The following GLUL variants were observed in gnomAD, a reference collection of about 807,000 sequenced individuals.
GLUL encodes the protein glutamine synthetase.
Under a neutral mutation model 36.9 loss-of-function variants are expected in GLUL, and 8 were observed. The observed-to-expected ratio is 0.22, with a 90% CI of 0.13 to 0.39. The LOEUF is 0.39. Ranked by LOEUF, GLUL falls within the 10% of genes least tolerant of loss-of-function variation. The pLI is 1.00. For synonymous variants in GLUL, 182 were observed against 172.8 expected, an observed-to-expected ratio of 1.05 and a Z score of -0.42; for missense variants, 315 against 501.8, an observed-to-expected ratio of 0.63 and a Z score of 3.56.
chr1:182,387,576 T>C (rs1650237838), intron 2 of GLUL, among the ~76,000 whole-genome samples: 2 of 152,226 alleles, frequency 1.3e-5, no homozygotes, highest in Admixed American at 1.3e-4. Flanking sequence ...TGAAGCATTC[T>C]GTTATCACTA....
intron 4 of GLUL, 124 bp from the exon 5 acceptor site, chr1:182,386,011 G>A (rs541400769): frequency 4.1e-5 from 44 of 1,066,616 alleles, no homozygotes; most frequent in Non-Finnish European, 5.3e-5. Flanking sequence ...CTGCAGGTGC[G>A]GGGCAGGGGA....
chr1:182,385,266 T>C, intron 6 of GLUL, 91 bp downstream of exon 6: 2 of 999,204 alleles, frequency 2.0e-6, no homozygotes, highest in Non-Finnish European at 3.2e-6. Context: ...CAAGTCATCC[T>C]GCAAAGGAGA....
At position 182,380,225 on chromosome 1, in the gene GLUL, A is replaced by G. The variant is rs1477597583; in HGVS notation, c.*4180T>C. ...ATTAATTAAGTACACTATTTTCCACAGTACACTCCCACGAAGTTTTTAGTG... is the reference window on the plus strand; with the variant it reads ...ATTAATTAAGTACACTATTTTCCACGGTACACTCCCACGAAGTTTTTAGTG... On this transcript the variant is annotated 3_prime_UTR_variant, in exon 7 of 7. Transcript: ENST00000331872. Among the ~76,000 whole-genome samples the G allele has an allele frequency of 6.6e-6, 1 of 152,236 alleles. No individual in the cohort carries two copies. Among genetic ancestry groups the G allele is most frequent in the African/African-American group, 2.4e-5 (1 of 41,460 alleles).
intron 3 of GLUL, chr1:182,386,855 T>C: frequency 1.9e-6 from 1 of 534,318 alleles, no homozygotes. Flanking sequence ...TGGCCTACAT[T>C]CCAGGCAGGA....
At chr1:182,385,280 T>C in intron 6 of GLUL, 77 bp downstream of exon 6, 1 of 1,099,862 alleles carries the variant, frequency 9.1e-7, no homozygotes, top group Non-Finnish European at 1.4e-6. Context: ...AAGGAGACTT[T>C]GCTGAGAGAT....
rs746641298 is a variant in GLUL at position 182,387,116 on chromosome 1, T to C, written c.328+15A>G. 27 of 1,599,044 alleles carry C rather than the reference T, an allele frequency of 1.7e-5. No homozygotes were observed. Among genetic ancestry groups the C allele is most frequent in the Middle Eastern group, 1.7e-4 (1 of 5,820 alleles). ...CAGATTGAGGAGGGGTATCCATAGC[T>C]GTGCTATAACACACCTGCAGGCCTT... On this transcript the variant is annotated intron_variant, in intron 3 of 6. Transcript: ENST00000331872.
rs2101925234 is a variant in GLUL, at chr1:182,379,868, G to T, written c.*4537C>A. 1.4e-5 allele frequency among the ~76,000 whole-genome samples: 2 copies of T among 145,642 alleles called. No individual in the cohort carries two copies. The highest frequency in any genetic ancestry group is 5.1e-5 in the African/African-American group (2 of 39,144). On this transcript the variant is annotated 3_prime_UTR_variant, in exon 7 of 7. Coordinates refer to ENST00000331872, the MANE Select transcript of GLUL (RefSeq NM_001033044.4). ...CAACTTTTTTTTTTTTTTTGAGATG[G>T]AGTTTCCCTCTTGTTGCCCAGGCTG... is the stretch of plus-strand genomic sequence containing the variant.
In GLUL at chr1:182,380,309, G is replaced by GTTTGT. The variant is rs1277119191; in HGVS notation, c.*4091_*4095dup. Among the ~76,000 whole-genome samples, 1 of 148,194 alleles carries GTTTGT rather than the reference G, an allele frequency of 6.7e-6. No homozygotes were observed. Among genetic ancestry groups the GTTTGT allele is most frequent in the East Asian group, 1.9e-4 (1 of 5,172 alleles). ...TTTTCAATTTGTTTTTTGGGGTTTTGTTTGTTTTGTTTTGTTTAGGCAAGG... is the reference window on the plus strand; with the variant it reads ...TTTTCAATTTGTTTTTTGGGGTTTTGTTTGTTTTGTTTTGTTTTGTTTAGGCAAGG... On this transcript the variant is annotated 3_prime_UTR_variant, in exon 7 of 7. Coordinates refer to ENST00000331872, the MANE Select transcript of GLUL (RefSeq NM_001033044.4).
chr1:182,384,341 A>AG lies in GLUL; in HGVS notation c.*63dup. The AG allele has an allele frequency of 6.4e-6, 7 of 1,096,026 alleles. No homozygotes were observed. The highest frequency in any genetic ancestry group is 9.8e-6 in the Non-Finnish European group (7 of 717,882). 67.9% of individuals were successfully genotyped at this position (1,096,026 alleles called of 1,614,324 possible). A position where few individuals can be genotyped will look rare whatever the true frequency, so the allele number is the denominator to read the frequency against. ...GAGTTACAATCGGGACAACTGGGAG[A>AG]GGGGGAAGAGTTGGAGTGGGATGAA... On this transcript the variant is annotated 3_prime_UTR_variant, in exon 7 of 7. Transcript: ENST00000331872.
chr1:182,386,190 G>A, intron 4 of GLUL, 66 bp downstream of exon 4: 1 of 1,453,370 alleles, frequency 6.9e-7, no homozygotes, highest in South Asian at 1.1e-5. Flanking sequence ...TCCCATCCCT[G>A]GGAAGGGGCA....
chr1:182,390,808 A>G (rs1349590860), intron 1 of GLUL: 9 of 398,878 alleles, frequency 2.3e-5, no homozygotes, highest in Non-Finnish European at 3.5e-5. Context: ...CATAATTTTC[A>G]TTCGTTGCTT....
chr1:182,385,054 T>G, intron 6 of GLUL: 1 of 261,314 alleles, frequency 3.8e-6, no homozygotes. Flanking sequence ...GTCACAAATA[T>G]ATATATCGAT....
Position 182,380,954 on chromosome 1 carries a change from T to C in GLUL, c.*3451A>G, listed in dbSNP as rs1393970919. Reference sequence around the variant, plus strand: ...ACAGACAGCAGCACAGATCTGGCTTTTTACATGGCCCTAGGCCGGGTGCAG... The same window carrying C: ...ACAGACAGCAGCACAGATCTGGCTTCTTACATGGCCCTAGGCCGGGTGCAG... On this transcript the variant is annotated 3_prime_UTR_variant, in exon 7 of 7. Transcript: ENST00000331872. 2.0e-5 allele frequency among the ~76,000 whole-genome samples: 3 copies of C among 152,200 alleles called. No homozygotes were observed. Among genetic ancestry groups the C allele is most frequent in the Non-Finnish European group, 4.4e-5 (3 of 68,028 alleles).
chr1:182,391,298 AGG>A, intron 1 of GLUL: 1 of 398,520 alleles, frequency 2.5e-6, no homozygotes, highest in East Asian at 3.6e-5. Flanking sequence ...TGCGCTCCAC[AGG>A]GGACCGCACC....
At position 182,379,091 on chromosome 1, in the gene GLUL, A is replaced by AT. The variant is rs1241192940; in HGVS notation, c.*5313dup. ...GCCACCATGCCCGGCCTGAAGTAGAATTTTTTTAAATGAACGGTCGGAGAT... is the reference window on the plus strand; with the variant it reads ...GCCACCATGCCCGGCCTGAAGTAGAATTTTTTTTAAATGAACGGTCGGAGAT... On this transcript the variant is annotated 3_prime_UTR_variant, in exon 7 of 7. Transcript: ENST00000331872. Among the ~76,000 whole-genome samples, 3 of 152,080 alleles carry AT rather than the reference A, an allele frequency of 2.0e-5. No homozygotes were observed. The highest frequency in any genetic ancestry group is 2.0e-4 in the Admixed American group (3 of 15,262).
intron 3 of GLUL, 114 bp from the exon 4 acceptor site, chr1:182,386,516 G>C: frequency 1.2e-6 from 1 of 864,886 alleles, no homozygotes; most frequent in Non-Finnish European, 2.0e-6. Flanking sequence ...GTGCACTATG[G>C]TATGAACTGA....
At chr1:182,387,587 C>T (rs762720107) in intron 2 of GLUL, among the ~76,000 whole-genome samples, 4 of 152,196 alleles carry the variant, frequency 2.6e-5, no homozygotes, top group Non-Finnish European at 4.4e-5. Context: ...GTTATCACTA[C>T]CATCCTATCA....
In GLUL at chr1:182,385,840, T is replaced by C. The variant is rs749576835; in HGVS notation, c.523A>G (p.Ile175Val). The C allele has an allele frequency of 6.2e-7, 1 of 1,613,782 alleles. No homozygotes were observed. Reference sequence around the variant, plus strand: ...CAGGCCCGGTAATGGGCCTCCACGATGTCCCTGCCATAGGCTCTGTCTGCT... The same window carrying C: ...CAGGCCCGGTAATGGGCCTCCACGACGTCCCTGCCATAGGCTCTGTCTGCT... ...VGADRAYGRD[I>V]VEAHYRACLY... The change falls in exon 5 of 7, where the codon ATC (isoleucine) becomes GTC (valine). Residue 175 changes from isoleucine (I) to valine (V), a missense_variant. This residue lies in a region of GLUL where 256 missense variants were observed against 396.1 expected (regional missense o/e 0.65). Coordinates refer to ENST00000331872, the MANE Select transcript of GLUL (RefSeq NM_001033044.4).
Position 182,384,026 on chromosome 1 carries a change from C to T in GLUL, c.*379G>A, listed in dbSNP as rs577504988. 9.8e-5 allele frequency: 29 copies of T among 297,082 alleles called. No homozygotes were observed. The highest frequency in any genetic ancestry group is 1.2e-3 in the Middle Eastern group (1 of 802). 18.4% of individuals were successfully genotyped at this position (297,082 alleles called of 1,614,324 possible). A position where few individuals can be genotyped will look rare whatever the true frequency, so the allele number is the denominator to read the frequency against. The stretch of plus-strand genomic sequence containing the variant: ...GGCAAGTCCTAACCTAACCAGAGTA[C>T]GTCAGGTCTTCCCCTTTCAGCTACC... On this transcript the variant is annotated 3_prime_UTR_variant, in exon 7 of 7. Transcript: ENST00000331872.
Sources: gnomAD v4.1 joint callset for allele counts (sites outside exome capture counted in the v4.1 genomes callset) on GRCh38, gnomAD v4.1.1 for gene constraint, gnomAD v4.1.1 regional missense constraint, MANE v1.5 for transcripts, NCBI Gene and HGNC (gene_info 2026-07-23, HGNC 2026-07-21) for gene names.